The following MAPKAPK2 variants were observed in gnomAD, a reference collection of about 807,000 sequenced individuals.
MAPKAPK2 encodes MAP kinase-activated protein kinase 2.
MAPKAPK2 carries 9 observed loss-of-function variants against 48.8 expected under a neutral mutation model. That is an observed-to-expected ratio of 0.18 (90% CI 0.11 to 0.32). The LOEUF (loss-of-function observed/expected upper bound fraction) is 0.32. Ranked by LOEUF, MAPKAPK2 falls within the 10% of genes least tolerant of loss-of-function variation. The pLI, the probability that MAPKAPK2 is intolerant of heterozygous loss-of-function variation, is 1.00. For synonymous variants in MAPKAPK2, 202 were observed against 190.6 expected (o/e 1.06, Z -0.49); for missense variants, 331 against 498.3 (o/e 0.66, Z 3.20).
chr1:206,710,419 CA>C (rs1216493214), intron 1 of MAPKAPK2, among the ~76,000 whole-genome samples: 1 of 152,080 alleles, frequency 6.6e-6, no homozygotes, highest in Admixed American at 6.5e-5. Flanking sequence ...TGACATTTTA[CA>C]AAAATGGACA....
intron 1 of MAPKAPK2, among the ~76,000 whole-genome samples, chr1:206,699,118 G>A (rs977084945): frequency 2.0e-5 from 3 of 152,248 alleles, no homozygotes; most frequent in East Asian, 1.9e-4. Flanking sequence ...ACGAACACCC[G>A]TGTGTATAAA....
At chr1:206,691,482 G>GATAGATATATATATATATATATATATAT (rs371759587) in intron 1 of MAPKAPK2, among the ~76,000 whole-genome samples, 1 of 77,294 alleles carries the variant, frequency 1.3e-5, no homozygotes, top group Non-Finnish European at 2.8e-5. Context: ...TGTATTTTAA[G>GATAGATATATATATATATATATATATAT]ATATATATAT....
At chr1:206,686,719 C>T (rs1369029724) in intron 1 of MAPKAPK2, among the ~76,000 whole-genome samples, 1 of 152,216 alleles carries the variant, frequency 6.6e-6, no homozygotes, top group Non-Finnish European at 1.5e-5. Context: ...TTGGAATATA[C>T]GATCAGATGT....
chr1:206,732,202 G>A lies in MAPKAPK2; in HGVS notation c.1059+283G>A, dbSNP rs782232854. On this transcript the variant is annotated intron_variant, in intron 9 of 9. Coordinates refer to ENST00000367103, the MANE Select transcript of MAPKAPK2 (RefSeq NM_032960.4). This position sits in a 1 kb window ranked among gnomAD's most constrained non-coding sequence, Gnocchi z 4.4. ...CCATCTGGTATCATCTTCTCATTTT[G>A]CAGAAGAGAAACTGAGGCCCAGAGG... The A allele has an allele frequency of 4.4e-6, 7 of 1,574,182 alleles. No homozygotes were observed. Among genetic ancestry groups the A allele is most frequent in the African/African-American group, 2.7e-5 (2 of 73,742 alleles).
chr1:206,729,319 C>G (rs1462256876), intron 3 of MAPKAPK2, 77 bp from the exon 4 acceptor site: 1 of 1,290,388 alleles, frequency 7.7e-7, no homozygotes, highest in African/African-American at 1.5e-5. Context: ...AGGTGGGACC[C>G]GGTGCACTGG....
At position 206,731,806 on chromosome 1, in the gene MAPKAPK2, G is replaced by A; in HGVS notation, c.979-33G>A. 6.2e-7 allele frequency: 1 copy of A among 1,613,080 alleles called. No homozygotes were observed. Among genetic ancestry groups the A allele is most frequent in the Non-Finnish European group, 8.5e-7 (1 of 1,179,104 alleles). On this transcript the variant is annotated intron_variant, in intron 8 of 9. Coordinates refer to ENST00000367103, the MANE Select transcript of MAPKAPK2 (RefSeq NM_032960.4). The surrounding 1 kb of genome is among the most constrained non-coding windows in gnomAD (Gnocchi z 5.9). ...AGTCTTAGCCAGGACCCTACCCCAG[G>A]CTTTCACTCGGACCCCTTTTCTCTC...
chr1:206,723,909 G>T (rs1407725431), intron 1 of MAPKAPK2, among the ~76,000 whole-genome samples: 1 of 152,226 alleles, frequency 6.6e-6, no homozygotes, highest in Non-Finnish European at 1.5e-5. Context: ...CAGTTGGCAG[G>T]GGGCCTTGCC....
chr1:206,696,021 T>C (rs1553426992), intron 1 of MAPKAPK2: 4 of 797,636 alleles, frequency 5.0e-6, no homozygotes, highest in Non-Finnish European at 6.9e-6. Context: ...GATACCCAGC[T>C]CTGGGCCACA....
chr1:206,699,348 G>A (rs1672728556), intron 1 of MAPKAPK2, among the ~76,000 whole-genome samples: 1 of 152,146 alleles, frequency 6.6e-6, no homozygotes, highest in South Asian at 2.1e-4. Flanking sequence ...TAGAGGGTGG[G>A]ATCACTGCCT....
chr1:206,694,375 A>T (rs1672551976), intron 1 of MAPKAPK2, among the ~76,000 whole-genome samples: 1 of 152,140 alleles, frequency 6.6e-6, no homozygotes, highest in African/African-American at 2.4e-5. Flanking sequence ...CTGGGGCCAC[A>T]TTTCCTCTGC....
Position 206,731,249 on chromosome 1 carries a change from A to G in MAPKAPK2, c.879A>G (p.Glu293=), listed in dbSNP as rs1013264136. Residue 293 remains glutamate (E), a synonymous_variant, in exon 7 of 10, where the codon GAA becomes GAG. Transcript: ENST00000367103. This position sits in a 1 kb window ranked among gnomAD's most constrained non-coding sequence, Gnocchi z 5.9. ...AATTTCCCAACCCAGAATGGTCAGAAGTATCAGAGGAAGGTAAGAACCCAG... is the reference window on the plus strand; with the variant it reads ...AATTTCCCAACCCAGAATGGTCAGAGGTATCAGAGGAAGGTAAGAACCCAG... ...QYEFPNPEWS[E]VSEEVKMLIR... 1.2e-6 allele frequency: 2 copies of G among 1,614,198 alleles called. No individual in the cohort carries two copies. The highest frequency in any genetic ancestry group is 1.7e-6 in the Non-Finnish European group (2 of 1,180,034).
intron 1 of MAPKAPK2, among the ~76,000 whole-genome samples, chr1:206,717,291 C>A (rs1177612370): frequency 6.6e-6 from 1 of 152,168 alleles, no homozygotes; most frequent in Non-Finnish European, 1.5e-5. Flanking sequence ...TTCTGTAGGG[C>A]TGCTAGGAAG....
chr1:206,726,955 A>G (rs1673719204), intron 1 of MAPKAPK2, among the ~76,000 whole-genome samples: 1 of 152,006 alleles, frequency 6.6e-6, no homozygotes, highest in African/African-American at 2.4e-5. Context: ...TCCCTGCTGT[A>G]TCACCCCAGC....
chr1:206,695,935 G>A (rs1279533401), intron 1 of MAPKAPK2: 7 of 669,202 alleles, frequency 1.0e-5, no homozygotes, highest in Non-Finnish European at 1.9e-5. Context: ...AGGGCCCTGA[G>A]GGCCACCTGG....
chr1:206,730,622 C>G (rs1572517213), intron 5 of MAPKAPK2, 66 bp from the exon 6 acceptor site: 2 of 1,387,902 alleles, frequency 1.4e-6, no homozygotes, highest in Non-Finnish European at 2.1e-6. Flanking sequence ...GCATCTTTCA[C>G]AGAGAAACTG....
rs367765711 is a variant in MAPKAPK2 at position 206,729,489 on chromosome 1, A to C, written c.564+14A>C. 1.4e-5 allele frequency: 23 copies of C among 1,612,072 alleles called. No homozygotes were observed. Among genetic ancestry groups the C allele is most frequent in the African/African-American group, 6.7e-5 (5 of 74,868 alleles). On this transcript the variant is annotated intron_variant, in intron 4 of 9. Transcript: ENST00000367103. ...CGGGATGTCAAGGTGCCAGCTGTTC[A>C]TAACCCTGAGCCCGAGTGCTGTGGG...
chr1:206,689,515 C>T (rs1672388524), intron 1 of MAPKAPK2, among the ~76,000 whole-genome samples: 1 of 152,188 alleles, frequency 6.6e-6, no homozygotes, highest in African/African-American at 2.4e-5. Context: ...TTTCATTGAC[C>T]AAGCCAGCCT....
intron 1 of MAPKAPK2, among the ~76,000 whole-genome samples, chr1:206,703,534 A>G (rs569627271): frequency 6.6e-6 from 1 of 152,242 alleles, no homozygotes; most frequent in East Asian, 1.9e-4. Context: ...TCCATTCCCA[A>G]TTTCTATAGA....
rs185189386 is a variant in MAPKAPK2, at chr1:206,715,689, C to T, written c.280-13021C>T. The stretch of plus-strand genomic sequence containing the variant: ...TTGCCCAGGCTGAAGTGCAGTGGTA[C>T]GATCATTGGCTCACTGCAGCCTTGA... On this transcript the variant is annotated intron_variant, in intron 1 of 9. Coordinates refer to ENST00000367103, the MANE Select transcript of MAPKAPK2 (RefSeq NM_032960.4). Among the ~76,000 whole-genome samples, 10 of 145,828 alleles carry T rather than the reference C, an allele frequency of 6.9e-5. No individual in the cohort carries two copies. In the East Asian group the frequency reaches 1.6e-3, roughly 24 times the overall value.
Sources: allele counts gnomAD v4.1 joint callset (sites outside exome capture counted in the v4.1 genomes callset), GRCh38; gene constraint gnomAD v4.1.1; non-coding constraint Gnocchi (gnomAD v3.1); transcripts MANE v1.5; gene names NCBI Gene and HGNC (gene_info 2026-07-23, HGNC 2026-07-21).